Variants in SNX29 observed in about 807,000 individuals in gnomAD.
SNX29 encodes the protein sorting nexin-29.
In SNX29, 78 loss-of-function variants were observed where a neutral mutation model predicts 102.1. That is an observed-to-expected ratio of 0.76 (90% CI 0.64 to 0.92). SNX29 has a LOEUF of 0.92. Ranked by LOEUF, SNX29 falls within the 40% of genes least tolerant of loss-of-function variation. The pLI is 0.00. For missense variants in SNX29, 1,280 were observed against 1,061.7 expected, an observed-to-expected ratio of 1.21 and a Z score of -2.86; for synonymous variants, 580 against 414.5, an observed-to-expected ratio of 1.40 and a Z score of -4.85.
chr16:11,993,579 C>T (rs1342131966), intron 1 of SNX29, among the ~76,000 whole-genome samples: 2 of 152,112 alleles, frequency 1.3e-5, no homozygotes, highest in Admixed American at 6.6e-5. Context: ...CTCATTTTAT[C>T]GTCCGAAGAG....
At chr16:12,163,654 T>G (rs540683001) in intron 13 of SNX29, among the ~76,000 whole-genome samples, 21 of 152,240 alleles carry the variant, frequency 1.4e-4, no homozygotes, top group African/African-American at 5.1e-4. Flanking sequence ...TATAGAAGCT[T>G]CTTGCCCCAC....
At chr16:12,390,137 G>A (rs978902085) in intron 16 of SNX29, among the ~76,000 whole-genome samples, 20 of 149,162 alleles carry the variant, frequency 1.3e-4, no homozygotes, top group Admixed American at 4.7e-4. Flanking sequence ...TACCCCGTGC[G>A]TGCAATTGAG....
Position 12,569,382 on chromosome 16 carries a change from T to G in SNX29, c.*753T>G, listed in dbSNP as rs1267058657. 4 of 230,386 alleles carry G rather than the reference T, an allele frequency of 1.7e-5. No homozygotes were observed. The highest frequency in any genetic ancestry group is 1.3e-3 in the Middle Eastern group (1 of 792). 14.3% of individuals were successfully genotyped at this position (230,386 alleles called of 1,614,324 possible). A position where few individuals can be genotyped will look rare whatever the true frequency, so the allele number is the denominator to read the frequency against. On this transcript the variant is annotated 3_prime_UTR_variant, in exon 21 of 21. Coordinates refer to ENST00000566228, the MANE Select transcript of SNX29 (RefSeq NM_032167.5). ...CTTGGAGTGGGGGGACTCAGACATC[T>G]GGCCCAGCCATCAGCAGCAACCTAG...
intron 14 of SNX29, among the ~76,000 whole-genome samples, chr16:12,228,375 CAGTTGGTCCG>C (rs2077676524): frequency 6.6e-6 from 1 of 152,232 alleles, no homozygotes; most frequent in Non-Finnish European, 1.5e-5. Flanking sequence ...TGGCCACTTC[CAGTTGGTCCG>C]AGTTGGCACT....
At chr16:11,980,869 G>A (rs182929456) in intron 1 of SNX29, among the ~76,000 whole-genome samples, 12 of 152,130 alleles carry the variant, frequency 7.9e-5, no homozygotes, top group Non-Finnish European at 1.6e-4. Flanking sequence ...TGATCTATAA[G>A]AATCCTCTGT....
intron 13 of SNX29, among the ~76,000 whole-genome samples, chr16:12,166,069 T>C (rs988695793): frequency 6.6e-6 from 1 of 152,232 alleles, no homozygotes; most frequent in Admixed American, 6.5e-5. Flanking sequence ...CTATTCATGG[T>C]AGTAGTATTA....
chr16:12,298,958 G>A (rs1010253430), intron 15 of SNX29, among the ~76,000 whole-genome samples: 4 of 150,838 alleles, frequency 2.7e-5, no homozygotes, highest in African/African-American at 9.8e-5. Flanking sequence ...ATAATGAGTT[G>A]GTTCCTTTCC....
At chr16:12,057,307 C>T (rs894340771) in intron 8 of SNX29, among the ~76,000 whole-genome samples, 7 of 152,148 alleles carry the variant, frequency 4.6e-5, no homozygotes, top group African/African-American at 1.7e-4. Context: ...CTTGGGTTGG[C>T]GCCCTGGTGG....
chr16:12,251,413 A>G (rs1433043782), intron 14 of SNX29, among the ~76,000 whole-genome samples: 1 of 152,214 alleles, frequency 6.6e-6, no homozygotes, highest in Non-Finnish European at 1.5e-5. Flanking sequence ...GCAATATAAG[A>G]ATTCATAGGC....
At chr16:12,473,829 A>C (rs1279798772) in intron 18 of SNX29, among the ~76,000 whole-genome samples, 2 of 152,168 alleles carry the variant, frequency 1.3e-5, no homozygotes, top group Admixed American at 1.3e-4. Flanking sequence ...CAACATCAGG[A>C]AGTTACTCTA....
At chr16:12,563,296 GAA>G (rs2078836172) in intron 20 of SNX29, among the ~76,000 whole-genome samples, 1 of 152,158 alleles carries the variant, frequency 6.6e-6, no homozygotes, top group Admixed American at 6.5e-5. Context: ...CCACAGCTCG[GAA>G]AGTCTGCTTT....
intron 14 of SNX29, among the ~76,000 whole-genome samples, chr16:12,203,886 G>A (rs959823387): frequency 1.3e-5 from 2 of 152,196 alleles, no homozygotes; most frequent in African/African-American, 2.4e-5. Context: ...CCACATGTGG[G>A]TAGTGAACAT....
chr16:12,182,920 C>T (rs970129883), intron 13 of SNX29, among the ~76,000 whole-genome samples: 8 of 121,532 alleles, frequency 6.6e-5, no homozygotes, highest in African/African-American at 1.6e-4. Context: ...GACGACAGAG[C>T]GAGACTCTGT....
At chr16:12,467,996 C>T (rs1011012013) in intron 18 of SNX29, among the ~76,000 whole-genome samples, 5 of 151,962 alleles carry the variant, frequency 3.3e-5, no homozygotes, top group East Asian at 1.9e-4. Flanking sequence ...TCTAACATCC[C>T]GGACCGGGCC....
chr16:12,208,415 A>G (rs1203507327), intron 14 of SNX29, among the ~76,000 whole-genome samples: 1 of 152,202 alleles, frequency 6.6e-6, no homozygotes, highest in African/African-American at 2.4e-5. Flanking sequence ...GTAAGCTCTC[A>G]GAAGGAATGC....
chr16:12,462,294 T>G (rs1342851151), intron 18 of SNX29, among the ~76,000 whole-genome samples: 1 of 152,046 alleles, frequency 6.6e-6, no homozygotes, highest in African/African-American at 2.4e-5. Flanking sequence ...GACGTGCCTT[T>G]CATTTTGGGA....
intron 20 of SNX29, among the ~76,000 whole-genome samples, chr16:12,536,778 C>G (rs1017884188): frequency 1.3e-5 from 2 of 152,138 alleles, no homozygotes; most frequent in East Asian, 1.9e-4. Context: ...GAGTTTCAGA[C>G]CAGCCTGGCC....
intron 18 of SNX29, among the ~76,000 whole-genome samples, chr16:12,449,613 C>T (rs2086216135): frequency 6.6e-6 from 1 of 152,146 alleles, no homozygotes; most frequent in African/African-American, 2.4e-5. Context: ...CTCCCGTGCT[C>T]CAGCTGTGCA....
intron 20 of SNX29, among the ~76,000 whole-genome samples, chr16:12,567,258 C>T (rs1306510053): frequency 6.6e-6 from 1 of 152,046 alleles, no homozygotes. Context: ...CCTGTCTTCC[C>T]TTGTAGGGTC....
Sources: gnomAD v4.1 joint callset for allele counts (sites outside exome capture counted in the v4.1 genomes callset) on GRCh38, gnomAD v4.1.1 for gene constraint, MANE v1.5 for transcripts, NCBI Gene and HGNC (gene_info 2026-07-23, HGNC 2026-07-21) for gene names.